Variants in HECW2 observed in about 807,000 individuals in gnomAD.
The protein encoded by HECW2 is E3 ubiquitin-protein ligase HECW2.
A neutral mutation model predicts 175.2 loss-of-function variants in HECW2; 61 were observed. The ratio of observed to expected loss-of-function variants is 0.35; its 90% confidence interval spans 0.28 to 0.43. The LOEUF (loss-of-function observed/expected upper bound fraction) is 0.43. HECW2 is among the 20% of genes least tolerant of loss of function. The pLI is 1.00. For missense variants in HECW2, 1,524 were observed against 2,000.5 expected, an observed-to-expected ratio of 0.76 and a Z score of 4.54; for synonymous variants, 671 against 731.0, an observed-to-expected ratio of 0.92 and a Z score of 1.32.
intron 19 of HECW2, among the ~76,000 whole-genome samples, chr2:196,252,886 T>A (rs1265470793): frequency 6.6e-6 from 1 of 152,228 alleles, no homozygotes; most frequent in Non-Finnish European, 1.5e-5. Context: ...AGAATAATTG[T>A]TCCCACAGCT....
In HECW2 at chr2:196,317,286, C is replaced by T. The variant is rs1319566459; in HGVS notation, c.2422G>A (p.Ala808Thr). 6.2e-7 allele frequency: 1 copy of T among 1,612,134 alleles called. No homozygotes were observed. The highest frequency in any genetic ancestry group is 8.5e-7 in the Non-Finnish European group (1 of 1,179,068). ...AACAGGTCCTCACTTGGTGGGAGAG[C>T]CTCGTCCACCCTCTGGTACCGGCTA... is the stretch of plus-strand genomic sequence containing the variant. ...DVSRYQRVDE[A>T]LPPNWEARID... is the part of the protein sequence containing the mutation. Residue 808 changes from alanine (A) to threonine (T), a missense_variant, in exon 10 of 29, where the codon GCT becomes ACT. Coordinates refer to ENST00000644978, the MANE Select transcript of HECW2 (RefSeq NM_001348768.2).
intron 5 of HECW2, among the ~76,000 whole-genome samples, chr2:196,326,077 C>T (rs1692138913): frequency 6.6e-6 from 1 of 152,150 alleles, no homozygotes; most frequent in African/African-American, 2.4e-5. Flanking sequence ...AGGTTCTGAA[C>T]ACTGTGGTTC....
At chr2:196,443,280 C>T (rs975702139) in intron 1 of HECW2, among the ~76,000 whole-genome samples, 2 of 151,990 alleles carry the variant, frequency 1.3e-5, no homozygotes, top group Admixed American at 6.6e-5. Context: ...GAATGCTGGA[C>T]AAAGATAAAA....
At chr2:196,295,319 A>G (rs1690768482) in intron 13 of HECW2, among the ~76,000 whole-genome samples, 1 of 152,212 alleles carries the variant, frequency 6.6e-6, no homozygotes, top group Admixed American at 6.5e-5. Flanking sequence ...CAGCTAAGTA[A>G]CAGTTTTGGC....
chr2:196,438,615 G>A (rs1174702965), intron 1 of HECW2, among the ~76,000 whole-genome samples: 3 of 152,208 alleles, frequency 2.0e-5, no homozygotes. Context: ...TAGCTCAGAA[G>A]AAGATGTCAT....
intron 14 of HECW2, chr2:196,288,910 A>G (rs1690495138): frequency 6.6e-6 from 1 of 152,250 alleles, no homozygotes; most frequent in African/African-American, 2.4e-5. Flanking sequence ...CAATTCCACC[A>G]CTTACGAATT....
chr2:196,533,124 G>C (rs1329153755), intron 1 of HECW2, among the ~76,000 whole-genome samples: 1 of 152,114 alleles, frequency 6.6e-6, no homozygotes, highest in African/African-American at 2.4e-5. Context: ...TTTGTTTTAA[G>C]ACCAAAACAG....
chr2:196,216,094 A>G, intron 27 of HECW2, 117 bp from the exon 28 acceptor site: 1 of 654,420 alleles, frequency 1.5e-6, no homozygotes, highest in East Asian at 2.7e-5. Flanking sequence ...AGTTCTGAAG[A>G]CAAAACTTCA....
intron 2 of HECW2, among the ~76,000 whole-genome samples, chr2:196,396,004 A>G (rs1694651583): frequency 6.6e-6 from 1 of 152,252 alleles, no homozygotes; most frequent in Non-Finnish European, 1.5e-5. Context: ...AACAACATGT[A>G]GTATATACAC....
At position 196,242,108 on chromosome 2, in the gene HECW2, T is replaced by A; in HGVS notation, c.3626A>T (p.Tyr1209Phe). ...NFYRKLETKG[Y>F]GQGPGKLKLI... is the part of the protein sequence containing the mutation. ...CTTTAACTTCCCTGGGCCTTGTCCA[T>A]ATCCTTTAGTCTCTAACTTCCTGTA... The change falls in exon 20 of 29, where the codon TAT (tyrosine) becomes TTT (phenylalanine). Residue 1209 changes from tyrosine to phenylalanine, a missense_variant. Physicochemically the swap from Tyr to Phe is conservative, Grantham distance 22. Coordinates refer to ENST00000644978, the MANE Select transcript of HECW2 (RefSeq NM_001348768.2). 1.9e-6 allele frequency: 3 copies of A among 1,614,204 alleles called. No individual in the cohort carries two copies. The highest frequency in any genetic ancestry group is 2.5e-6 in the Non-Finnish European group (3 of 1,180,002).
chr2:196,253,561 TGA>T (rs1220480819), intron 19 of HECW2, among the ~76,000 whole-genome samples: 2 of 152,248 alleles, frequency 1.3e-5, no homozygotes, highest in Admixed American at 6.5e-5. Flanking sequence ...TATTATTTCT[TGA>T]GAGTAGAGAC....
intron 1 of HECW2, among the ~76,000 whole-genome samples, chr2:196,467,261 AC>A (rs1425710550): frequency 6.6e-6 from 1 of 152,202 alleles, no homozygotes; most frequent in Non-Finnish European, 1.5e-5. Context: ...ATACAAAATT[AC>A]TTCCTCCTTA....
intron 26 of HECW2, among the ~76,000 whole-genome samples, chr2:196,219,160 A>C (rs542555415): frequency 1.3e-3 from 197 of 152,368 alleles, no homozygotes; most frequent in Non-Finnish European, 1.9e-3. Flanking sequence ...TTAGGTTTGT[A>C]GTTTTCATTC....
At chr2:196,280,621 T>C (rs898744350) in intron 14 of HECW2, among the ~76,000 whole-genome samples, 1 of 152,182 alleles carries the variant, frequency 6.6e-6, no homozygotes, top group Admixed American at 6.5e-5. Context: ...TCCTGGGTAA[T>C]GTTTCCTCTT....
At chr2:196,486,285 G>T (rs1687002831) in intron 1 of HECW2, among the ~76,000 whole-genome samples, 1 of 152,172 alleles carries the variant, frequency 6.6e-6, no homozygotes, top group Non-Finnish European at 1.5e-5. Flanking sequence ...AAACTAAATG[G>T]TATTTTCACA....
intron 2 of HECW2, among the ~76,000 whole-genome samples, chr2:196,394,253 A>T (rs13416593): frequency 0.19 from 28,830 of 152,204 alleles, 3,824 homozygotes; most frequent in African/African-American, 0.37. Context: ...ATGCATACGT[A>T]ACAAATGTGC....
intron 2 of HECW2, among the ~76,000 whole-genome samples, chr2:196,407,194 A>G (rs143761011): frequency 7.8e-4 from 117 of 150,870 alleles, no homozygotes; most frequent in African/African-American, 2.7e-3. Flanking sequence ...TATGTGGCAG[A>G]TAATACTTTC....
At chr2:196,565,808 A>C (rs1414993563) in intron 1 of HECW2, among the ~76,000 whole-genome samples, 1 of 152,222 alleles carries the variant, frequency 6.6e-6, no homozygotes, top group Non-Finnish European at 1.5e-5. Context: ...GTGGATTTAA[A>C]TGTTTCATTA....
intron 2 of HECW2, among the ~76,000 whole-genome samples, chr2:196,370,520 T>A (rs549646293): frequency 2.0e-5 from 3 of 152,172 alleles, no homozygotes; most frequent in Admixed American, 1.3e-4. Context: ...CTCCCCTGGC[T>A]ACCCCAGCTG....
Sources: allele counts gnomAD v4.1 joint callset (sites outside exome capture counted in the v4.1 genomes callset), GRCh38; gene constraint gnomAD v4.1.1; transcripts MANE v1.5; gene names NCBI Gene and HGNC (gene_info 2026-07-23, HGNC 2026-07-21).